ANKFY1: variants seen among roughly 807,000 people sequenced by gnomAD.
ANKFY1 encodes ankyrin repeat and FYVE domain containing 1.
In ANKFY1, 47 loss-of-function variants were observed where a neutral mutation model predicts 128.3. The ratio of observed to expected loss-of-function variants is 0.37; its 90% CI spans 0.29 to 0.47. The LOEUF (loss-of-function observed/expected upper bound fraction) is 0.47. ANKFY1 is among the 20% of genes least tolerant of loss of function. The probability of loss-of-function intolerance (pLI) is 1.00; values close to 1 mark genes in which losing one functional copy is unlikely to be tolerated. For synonymous variants in ANKFY1, 553 were observed against 601.6 expected, an observed-to-expected ratio of 0.92 and a Z score of 1.18; for missense variants, 1,222 against 1,510.6, an observed-to-expected ratio of 0.81 and a Z score of 3.17.
chr17:4,189,817 T>C (rs180862284), intron 10 of ANKFY1, among the ~76,000 whole-genome samples: 27 of 152,262 alleles, frequency 1.8e-4, no homozygotes, highest in Admixed American at 1.7e-3. Context: ...GTAGGTATCA[T>C]TTAAGTCCAC....
intron 3 of ANKFY1, among the ~76,000 whole-genome samples, chr17:4,219,413 A>T (rs1366686071): frequency 2.0e-5 from 3 of 152,194 alleles, no homozygotes; most frequent in African/African-American, 7.2e-5. Context: ...CTGAATGAGA[A>T]ACCAGAGATG....
chr17:4,223,816 G>A, intron 3 of ANKFY1: 2 of 1,408,128 alleles, frequency 1.4e-6, no homozygotes, highest in East Asian at 2.4e-5. Context: ...GCAGGCCTGG[G>A]GGCCTACGTC....
In ANKFY1 at chr17:4,165,641, C is replaced by T. The variant is rs1244169938; in HGVS notation, c.*2138G>A. ...ATGGAAAACAGGACTCAATGTTCTC[C>T]CAGTCCATAGCTGGTCAGTACCATT... On this transcript the variant is annotated 3_prime_UTR_variant, in exon 25 of 25. Coordinates refer to ENST00000341657, the MANE Select transcript of ANKFY1 (RefSeq NM_001330063.2). 2 of 152,210 alleles carry T rather than the reference C, an allele frequency of 1.3e-5. No individual in the cohort carries two copies. Among genetic ancestry groups the T allele is most frequent in the African/African-American group, 2.4e-5 (1 of 41,442 alleles). The allele number at this position is 152,210 out of a possible 1,614,324, so 9.4% of individuals were successfully genotyped here. A position where few individuals can be genotyped will look rare whatever the true frequency, so the allele number is the denominator to read the frequency against.
intron 2 of ANKFY1, among the ~76,000 whole-genome samples, chr17:4,239,913 C>G (rs1312539293): frequency 2.6e-5 from 4 of 152,138 alleles, no homozygotes; most frequent in Non-Finnish European, 5.9e-5. Flanking sequence ...CAAGTCCTTC[C>G]TTCTTATGTA....
chr17:4,249,565 C>G (rs558479812), intron 1 of ANKFY1, among the ~76,000 whole-genome samples: 1 of 152,096 alleles, frequency 6.6e-6, no homozygotes, highest in African/African-American at 2.4e-5. Flanking sequence ...AGAATTAGAA[C>G]GTTAAAATGA....
intron 7 of ANKFY1, among the ~76,000 whole-genome samples, chr17:4,202,233 C>A (rs749581112): frequency 6.6e-6 from 1 of 151,096 alleles, no homozygotes; most frequent in African/African-American, 2.4e-5. Flanking sequence ...CAAACCCAAT[C>A]GCTACAAAAA....
intron 7 of ANKFY1, among the ~76,000 whole-genome samples, chr17:4,200,877 T>C (rs2059915938): frequency 6.6e-6 from 1 of 152,224 alleles, no homozygotes; most frequent in Non-Finnish European, 1.5e-5. Context: ...CTCCTTCGAC[T>C]ACATATCTAC....
chr17:4,207,073 G>A (rs1382717610), intron 6 of ANKFY1, among the ~76,000 whole-genome samples: 5 of 152,084 alleles, frequency 3.3e-5, no homozygotes, highest in African/African-American at 9.7e-5. Flanking sequence ...ACCTTGTGAT[G>A]GGGACAGTAT....
At chr17:4,185,194 T>A in intron 11 of ANKFY1, 148 bp from the exon 12 acceptor site, 1 of 738,382 alleles carries the variant, frequency 1.4e-6, no homozygotes, top group African/African-American at 1.7e-5. Flanking sequence ...TCCTGAGCCA[T>A]CGCTCTCAGT....
In ANKFY1 at chr17:4,238,324, T is replaced by C. The variant is rs1012823982; in HGVS notation, c.204-2434A>G. ...GGATAAAGGTATTTTTTCCCCTACG[T>C]TGGTAAAAGATGTCTGCTTTAGAAA... On this transcript the variant is annotated intron_variant, in intron 2 of 24. Transcript: ENST00000341657. 3.9e-5 allele frequency among the ~76,000 whole-genome samples: 6 copies of C among 152,142 alleles called. No individual in the cohort carries two copies. In the East Asian group the frequency reaches 9.6e-4, roughly 24 times the overall value.
At chr17:4,262,260 A>G (rs934705854) in intron 1 of ANKFY1, among the ~76,000 whole-genome samples, 6 of 151,818 alleles carry the variant, frequency 4.0e-5, no homozygotes, top group Non-Finnish European at 8.8e-5. Flanking sequence ...CCTCCCTAGT[A>G]TTACTGCGAG....
At position 4,179,075 on chromosome 17, in the gene ANKFY1, G is replaced by T. The variant is rs1301503031; in HGVS notation, c.2398-18C>A. Reference sequence around the variant, plus strand: ...TCTGCATCCTATGGAACAAGGCACAGAATTTAATGTTCAATTGCAAGATAA... The same window carrying T: ...TCTGCATCCTATGGAACAAGGCACATAATTTAATGTTCAATTGCAAGATAA... On this transcript the variant is annotated intron_variant, in intron 17 of 24. Transcript: ENST00000341657. The T allele has an allele frequency of 6.2e-7, 1 of 1,612,500 alleles. No homozygotes were observed. Among genetic ancestry groups the T allele is most frequent in the East Asian group, 2.2e-5 (1 of 44,884 alleles).
At chr17:4,263,265 C>T (rs1364922270) in intron 1 of ANKFY1, among the ~76,000 whole-genome samples, 1 of 152,234 alleles carries the variant, frequency 6.6e-6, no homozygotes, top group East Asian at 1.9e-4. Flanking sequence ...AGAGGGTAGG[C>T]ACTGGACGGG....
intron 7 of ANKFY1, among the ~76,000 whole-genome samples, chr17:4,203,349 A>G (rs1249849159): frequency 6.6e-6 from 1 of 152,170 alleles, no homozygotes; most frequent in Admixed American, 6.5e-5. Flanking sequence ...TATTCCTAAC[A>G]AAAAACTTCA....
chr17:4,210,600 C>T (rs1190388494), intron 4 of ANKFY1, among the ~76,000 whole-genome samples: 4 of 144,502 alleles, frequency 2.8e-5, no homozygotes, highest in African/African-American at 2.5e-5. Flanking sequence ...CCAAGCTACT[C>T]GGGAGGCTGA....
chr17:4,261,467 G>C (rs77578919), intron 1 of ANKFY1, among the ~76,000 whole-genome samples: 2 of 152,200 alleles, frequency 1.3e-5, no homozygotes, highest in Non-Finnish European at 2.9e-5. Context: ...GCAACAGAGC[G>C]AGACTCCCTC....
At chr17:4,239,398 A>G (rs1967086200) in intron 2 of ANKFY1, among the ~76,000 whole-genome samples, 1 of 152,244 alleles carries the variant, frequency 6.6e-6, no homozygotes, top group Admixed American at 6.5e-5. Context: ...ACAAGAAGCT[A>G]CATCTATTCA....
chr17:4,178,330 G>A lies in ANKFY1; in HGVS notation c.2598+527C>T, dbSNP rs1325696270. 2 of 166,552 alleles carry A rather than the reference G, an allele frequency of 1.2e-5. No individual in the cohort carries two copies. Among genetic ancestry groups the A allele is most frequent in the South Asian group, 1.6e-4 (1 of 6,414 alleles). The allele number at this position is 166,552 out of a possible 1,614,324, so 10.3% of individuals were successfully genotyped here. On this transcript the variant is annotated intron_variant, in intron 18 of 24. Coordinates refer to ENST00000341657, the MANE Select transcript of ANKFY1 (RefSeq NM_001330063.2). The surrounding 1 kb of genome is among the most constrained non-coding windows in gnomAD (Gnocchi z 4.1). The stretch of plus-strand genomic sequence containing the variant: ...AGCCAAGTTCCTGCAGGACTGACCT[G>A]ATAAACCCACCCCCTCCTACTCAGA...
At chr17:4,222,921 T>C (rs2060351784) in intron 3 of ANKFY1, 1 of 1,240,268 alleles carries the variant, frequency 8.1e-7, no homozygotes. Context: ...CTCCTCAGGT[T>C]ATCCTACCTT....
Sources: allele counts gnomAD v4.1 joint callset (sites outside exome capture counted in the v4.1 genomes callset), GRCh38; gene constraint gnomAD v4.1.1; non-coding constraint Gnocchi (gnomAD v3.1); transcripts MANE v1.5; gene names NCBI Gene and HGNC (gene_info 2026-07-23, HGNC 2026-07-21).